Variants in BDH1 observed in about 807,000 individuals in gnomAD.
BDH1 encodes 3-hydroxybutyrate dehydrogenase 1.
BDH1 carries 30 observed loss-of-function variants against 33.1 expected under a neutral mutation model. The observed-to-expected ratio is 0.91, with a 90% CI of 0.68 to 1.23. The LOEUF is 1.23. Among genes scored for constraint, BDH1 ranks in the 50% most tolerant of loss-of-function variants. BDH1 has a pLI of 0.00. For missense variants in BDH1, 443 were observed against 464.4 expected (o/e 0.95, Z 0.42); for synonymous variants, 190 against 183.6 (o/e 1.03, Z -0.28).
At chr3:197,550,406 C>T (rs896900101) in intron 2 of BDH1, among the ~76,000 whole-genome samples, 1 of 152,244 alleles carries the variant, frequency 6.6e-6, no homozygotes, top group Non-Finnish European at 1.5e-5. Context: ...ATACACTCTG[C>T]AGTGACTACC....
intron 3 of BDH1, chr3:197,538,224 T>A (rs1429361742): frequency 4.4e-6 from 2 of 455,596 alleles, no homozygotes; most frequent in Non-Finnish European, 8.8e-6. Flanking sequence ...TTAAAGGATA[T>A]TAACCCAGTA....
chr3:197,571,762 C>T lies in BDH1; in HGVS notation c.-44+1419G>A, dbSNP rs77213433. 6.4e-3 allele frequency among the ~76,000 whole-genome samples: 975 copies of T among 152,276 alleles called. 9 individuals are homozygous for T. The highest frequency in any genetic ancestry group is 0.012 in the Non-Finnish European group (810 of 68,028). On this transcript the variant is annotated intron_variant, in intron 1 of 6. Coordinates refer to the BDH1 transcript ENST00000358186. ...AGCAATAAGGAAATGGATGAATACACATATAAACTTTGAAAGATGGCCAAG... is the reference window on the plus strand; with the variant it reads ...AGCAATAAGGAAATGGATGAATACATATATAAACTTTGAAAGATGGCCAAG...
chr3:197,527,242 G>C (rs1244584191), intron 5 of BDH1, among the ~76,000 whole-genome samples: 11 of 152,296 alleles, frequency 7.2e-5, no homozygotes, highest in South Asian at 2.1e-4. Flanking sequence ...AAGCAAGATG[G>C]GGAAGAACCC....
At position 197,554,447 on chromosome 3, in the gene BDH1, G is replaced by C. The variant is rs978199557; in HGVS notation, c.-44+115C>G. 1 of 152,174 alleles carries C rather than the reference G, an allele frequency of 6.6e-6. No homozygotes were observed. The highest frequency in any genetic ancestry group is 1.5e-5 in the Non-Finnish European group (1 of 68,044). 9.4% of individuals were successfully genotyped at this position (152,174 alleles called of 1,614,324 possible). A position where few individuals can be genotyped will look rare whatever the true frequency, so the allele number is the denominator to read the frequency against. ...AGTAGAGGCTCTGTAAATGTGTATT[G>C]AGTGAATATGAAAGCTTCACAAATT... On this transcript the variant is annotated intron_variant, in intron 2 of 7. Transcript: ENST00000392379. The surrounding 1 kb of genome is among the most constrained non-coding windows in gnomAD (Gnocchi z 4.4).
intron 3 of BDH1, among the ~76,000 whole-genome samples, chr3:197,536,935 C>G (rs1004921110): frequency 1.3e-5 from 2 of 152,216 alleles, no homozygotes; most frequent in Admixed American, 6.5e-5. Flanking sequence ...ATCTATTTCT[C>G]TCTTTTTTTG....
At position 197,532,401 on chromosome 3, in the gene BDH1, TC is replaced by T. The variant is rs771227447; in HGVS notation, c.267+10del. 8.1e-6 allele frequency: 13 copies of T among 1,606,296 alleles called. No homozygotes were observed. The African/African-American group carries it at 1.7e-4, about 21-fold the overall frequency. On this transcript the variant is annotated intron_variant, in intron 5 of 7. Coordinates refer to ENST00000392379, the MANE Select transcript of BDH1 (RefSeq NM_203314.3). The stretch of plus-strand genomic sequence containing the variant: ...AAAAGACAATGGTGAAGAAGATAAC[TC>T]GTCTCTTACCTTCATCAAGCAGCCA...
At chr3:197,548,875 CAAAAAAAACACA>C (rs1560336922) in intron 2 of BDH1, among the ~76,000 whole-genome samples, 5 of 133,454 alleles carry the variant, frequency 3.7e-5, no homozygotes, top group African/African-American at 7.7e-5. Context: ...CAAAAAAAAA[CAAAAAAAACACA>C]AAAAACTCAG....
At chr3:197,527,894 G>C (rs1714259005) in intron 5 of BDH1, among the ~76,000 whole-genome samples, 1 of 151,970 alleles carries the variant, frequency 6.6e-6, no homozygotes, top group African/African-American at 2.4e-5. Context: ...TACCTTCTTG[G>C]TGTGATCTTT....
In BDH1 at chr3:197,522,618, G is replaced by A. The variant is rs373491795; in HGVS notation, c.409+22C>T. 6.2e-7 allele frequency: 1 copy of A among 1,613,400 alleles called. No homozygotes were observed. Among genetic ancestry groups the A allele is most frequent in the Non-Finnish European group, 8.5e-7 (1 of 1,179,680 alleles). On this transcript the variant is annotated intron_variant, in intron 6 of 7. Transcript: ENST00000392379. The surrounding 1 kb of genome is among the most constrained non-coding windows in gnomAD (Gnocchi z 4.8). ...TGGAATGGCCCCATACACAACCCCT[G>A]CCGTCCGAAGGGGCGCCCTACCTTT... is the stretch of plus-strand genomic sequence containing the variant.
At chr3:197,570,557 C>T (rs951893316) in intron 1 of BDH1, among the ~76,000 whole-genome samples, 1 of 152,260 alleles carries the variant, frequency 6.6e-6, no homozygotes, top group African/African-American at 2.4e-5. Context: ...TACGTCCCAG[C>T]TGCTCTAGCC....
chr3:197,550,558 G>A (rs1454564620), intron 2 of BDH1, among the ~76,000 whole-genome samples: 1 of 152,234 alleles, frequency 6.6e-6, no homozygotes, highest in African/African-American at 2.4e-5. Context: ...CCCAAGGTGA[G>A]CCCATTGTTC....
chr3:197,516,451 G>A lies in BDH1; in HGVS notation c.410-2035C>T, dbSNP rs1211213715. ...GCTTTAATGAGTGTTGAGAGTGGTG[G>A]ACCTAGTTGCCATCTGGAATCCTCA... On this transcript the variant is annotated intron_variant, in intron 6 of 7. Transcript: ENST00000392379. This position sits in a 1 kb window ranked among gnomAD's most constrained non-coding sequence, Gnocchi z 4.2. Among the ~76,000 whole-genome samples the A allele has an allele frequency of 6.6e-6, 1 of 152,098 alleles. No homozygotes were observed. The highest frequency in any genetic ancestry group is 1.9e-4 in the East Asian group (1 of 5,194).
In BDH1 at chr3:197,570,937, G is replaced by A. The variant is rs1477845603; in HGVS notation, c.-44+2244C>T. Among the ~76,000 whole-genome samples, 3 of 152,218 alleles carry A rather than the reference G, an allele frequency of 2.0e-5. 1 individual carries two copies. In the South Asian group the frequency reaches 6.2e-4, roughly 31 times the overall value. ...CAGCTTGCACCATGTGCCTGGAAAA[G>A]TCACAGACACTCAATGCCAGCCCAT... On this transcript the variant is annotated intron_variant, in intron 1 of 6. Transcript: ENST00000358186.
intron 3 of BDH1, among the ~76,000 whole-genome samples, chr3:197,537,592 T>C (rs1253262846): frequency 2.6e-5 from 4 of 152,228 alleles, no homozygotes; most frequent in Non-Finnish European, 5.9e-5. Flanking sequence ...CTTGGTTTGT[T>C]CCCCATCTTA....
chr3:197,536,645 A>G (rs1715180075), intron 3 of BDH1, among the ~76,000 whole-genome samples: 1 of 152,150 alleles, frequency 6.6e-6, no homozygotes, highest in Non-Finnish European at 1.5e-5. Flanking sequence ...GTTCAAGACC[A>G]GCCTGGCCGA....
intron 3 of BDH1, 31 bp from the exon 4 acceptor site, chr3:197,533,592 G>A (rs1192258777): frequency 1.0e-5 from 16 of 1,607,892 alleles, no homozygotes; most frequent in Middle Eastern, 1.7e-4. Context: ...GTGAGTACAA[G>A]GACAGACTAG....
upstream of BDH1, among the ~76,000 whole-genome samples, chr3:197,560,650 A>G (rs1370239521): frequency 6.6e-6 from 1 of 152,190 alleles, no homozygotes; most frequent in African/African-American, 2.4e-5. Flanking sequence ...GAGGAAATCA[A>G]TGTTCAAGTG....
Position 197,521,615 on chromosome 3 carries a change from C to G in BDH1, c.409+1025G>C, listed in dbSNP as rs1465617187. ...TGCTCTTCTAGCCTGGACATTCCCT[C>G]AGGGTGGGCGCTTCAGTGTCTCCCT... is the stretch of plus-strand genomic sequence containing the variant. On this transcript the variant is annotated intron_variant, in intron 6 of 7. Transcript: ENST00000392379. The surrounding 1 kb of genome is among the most constrained non-coding windows in gnomAD (Gnocchi z 4.9). Among the ~76,000 whole-genome samples the G allele has an allele frequency of 2.0e-5, 3 of 152,186 alleles. No homozygotes were observed. Among genetic ancestry groups the G allele is most frequent in the Non-Finnish European group, 4.4e-5 (3 of 68,030 alleles).
chr3:197,517,253 G>A (rs147274678), intron 6 of BDH1, among the ~76,000 whole-genome samples: 210 of 9,878 alleles, frequency 0.021, 4 homozygotes, highest in African/African-American at 0.088. Flanking sequence ...GCCGACCCCC[G>A]CATCAGTCAT....
Sources: allele counts gnomAD v4.1 joint callset (sites outside exome capture counted in the v4.1 genomes callset), GRCh38; gene constraint gnomAD v4.1.1; non-coding constraint Gnocchi (gnomAD v3.1); transcripts MANE v1.5; gene names NCBI Gene and HGNC (gene_info 2026-07-23, HGNC 2026-07-21).